The following MEF2A variants were observed in gnomAD, a reference collection of about 807,000 sequenced individuals.
MEF2A encodes the protein myocyte enhancer factor 2A, also known as myocyte-specific enhancer factor 2A.
Under a neutral mutation model 55.8 loss-of-function variants are expected in MEF2A, and 28 were observed. That is an observed-to-expected ratio of 0.50 (90% CI 0.37 to 0.69). The LOEUF (loss-of-function observed/expected upper bound fraction) is 0.69, where lower values mean the gene tolerates loss of function less well. Ranked by LOEUF, MEF2A falls within the 30% of genes least tolerant of loss-of-function variation. The pLI, the probability that MEF2A is intolerant of heterozygous loss-of-function variation, is 0.00. For synonymous variants in MEF2A, 239 were observed against 227.1 expected (o/e 1.05, Z -0.47); for missense variants, 528 against 626.2 (o/e 0.84, Z 1.67).
At chr15:99,566,945 T>C (rs1959896324) in intron 1 of MEF2A, among the ~76,000 whole-genome samples, 1 of 152,274 alleles carries the variant, frequency 6.6e-6, no homozygotes, top group African/African-American at 2.4e-5. Flanking sequence ...TTTTTTGTGT[T>C]AGAAACTTTG....
intron 1 of MEF2A, among the ~76,000 whole-genome samples, chr15:99,597,538 C>T (rs187921984): frequency 2.0e-4 from 31 of 152,246 alleles, no homozygotes; most frequent in Non-Finnish European, 3.8e-4. Context: ...CTCGTGATCT[C>T]GCCCTGCCTC....
intron 1 of MEF2A, among the ~76,000 whole-genome samples, chr15:99,592,199 G>A (rs1969536333): frequency 2.0e-5 from 3 of 152,146 alleles, no homozygotes; most frequent in Admixed American, 1.3e-4. Flanking sequence ...GTTAGCACGC[G>A]GCGGTGCTGC....
chr15:99,629,886 G>A (rs1481801678), intron 2 of MEF2A, among the ~76,000 whole-genome samples: 1 of 151,802 alleles, frequency 6.6e-6, no homozygotes, highest in Non-Finnish European at 1.5e-5. Context: ...GTTGCAGTGA[G>A]CCGAGATCAC....
At position 99,596,679 on chromosome 15, in the gene MEF2A, G is replaced by C. The variant is rs1043996512; in HGVS notation, c.-224-1751G>C. Among the ~76,000 whole-genome samples, 12 of 152,304 alleles carry C rather than the reference G, an allele frequency of 7.9e-5. 1 individual carries two copies. Among genetic ancestry groups the C allele is most frequent in the African/African-American group, 2.9e-4 (12 of 41,570 alleles). On this transcript the variant is annotated intron_variant, in intron 1 of 11. Coordinates refer to ENST00000557942, the MANE Select transcript of MEF2A (RefSeq NM_001319206.4). ...CCGGATCATGCAATTCTAAATTATT[G>C]TGTTAGCATTATAATTGATCCTGGC...
chr15:99,689,853 A>C (rs1285048276), intron 7 of MEF2A, among the ~76,000 whole-genome samples: 1 of 152,176 alleles, frequency 6.6e-6, no homozygotes, highest in Non-Finnish European at 1.5e-5. Flanking sequence ...ATTAGTCTTA[A>C]GCTTTATATG....
At chr15:99,589,845 T>C (rs903715804) in intron 1 of MEF2A, among the ~76,000 whole-genome samples, 15 of 152,132 alleles carry the variant, frequency 9.9e-5, no homozygotes, top group African/African-American at 3.6e-4. Context: ...TTTAATTCTT[T>C]TGTGGTCAGA....
chr15:99,623,788 C>G (rs1015053654), intron 2 of MEF2A, among the ~76,000 whole-genome samples: 4 of 150,050 alleles, frequency 2.7e-5, no homozygotes, highest in Admixed American at 6.6e-5. Flanking sequence ...AATCTTGTAT[C>G]AAATATATGA....
At chr15:99,642,526 G>T (rs1032685712) in intron 3 of MEF2A, among the ~76,000 whole-genome samples, 5 of 151,710 alleles carry the variant, frequency 3.3e-5, no homozygotes, top group African/African-American at 1.2e-4. Context: ...TCTCTGTTAT[G>T]ATTTGATTTT....
intron 5 of MEF2A, among the ~76,000 whole-genome samples, chr15:99,672,712 A>G (rs2051122480): frequency 6.6e-6 from 1 of 152,148 alleles, no homozygotes; most frequent in Admixed American, 6.5e-5. Flanking sequence ...AATTTGGAAT[A>G]TTTGCATATG....
chr15:99,691,557 G>C (rs2055461314), intron 8 of MEF2A, among the ~76,000 whole-genome samples: 2 of 152,062 alleles, frequency 1.3e-5, no homozygotes, highest in African/African-American at 4.8e-5. Flanking sequence ...AATTAGCCGG[G>C]CGTGGTGGCG....
At chr15:99,631,262 G>A (rs144843590) in intron 2 of MEF2A, among the ~76,000 whole-genome samples, 28 of 152,286 alleles carry the variant, frequency 1.8e-4, no homozygotes, top group African/African-American at 6.0e-4. Context: ...GTAGTAAAAT[G>A]TATTAATATT....
chr15:99,568,801 C>T (rs1960836153), intron 1 of MEF2A, among the ~76,000 whole-genome samples: 1 of 152,158 alleles, frequency 6.6e-6, no homozygotes, highest in Non-Finnish European at 1.5e-5. Flanking sequence ...TTCACATATT[C>T]TGTGTTGTCA....
At position 99,676,462 on chromosome 15, in the gene MEF2A, T is replaced by C. The variant is rs542503148; in HGVS notation, c.670+1004T>C. The stretch of plus-strand genomic sequence containing the variant: ...CACCAAGAATTGTGAGAGCCTAATA[T>C]GCTTCTCTCACATTGGGTTGACACC... On this transcript the variant is annotated intron_variant, in intron 7 of 11. Transcript: ENST00000557942. 4.6e-5 allele frequency among the ~76,000 whole-genome samples: 7 copies of C among 152,150 alleles called. No homozygotes were observed. In the East Asian group the frequency reaches 7.7e-4, roughly 17 times the overall value.
chr15:99,647,062 G>GCTAAACCC (rs1444092815), intron 4 of MEF2A, among the ~76,000 whole-genome samples: 1 of 151,810 alleles, frequency 6.6e-6, no homozygotes, highest in Non-Finnish European at 1.5e-5. Flanking sequence ...TATATCTTTA[G>GCTAAACCC]CTAAACCCCT....
At chr15:99,596,536 C>T (rs1971231128) in intron 1 of MEF2A, among the ~76,000 whole-genome samples, 1 of 151,972 alleles carries the variant, frequency 6.6e-6, no homozygotes, top group Non-Finnish European at 1.5e-5. Flanking sequence ...CAAATAGAAA[C>T]AAAATCAGGG....
At chr15:99,678,687 T>A (rs965459414) in intron 7 of MEF2A, 21 of 984,484 alleles carry the variant, frequency 2.1e-5, no homozygotes, top group Non-Finnish European at 2.5e-5. Context: ...CTTGAGACTT[T>A]TAAAGCACTG....
intron 2 of MEF2A, among the ~76,000 whole-genome samples, chr15:99,604,031 A>G (rs1974235080): frequency 6.6e-6 from 1 of 152,194 alleles, no homozygotes; most frequent in Non-Finnish European, 1.5e-5. Flanking sequence ...ATAGTTTCTG[A>G]CAAAAAGTCT....
At chr15:99,624,443 C>T (rs1035697335) in intron 2 of MEF2A, among the ~76,000 whole-genome samples, 1 of 152,118 alleles carries the variant, frequency 6.6e-6, no homozygotes, top group East Asian at 1.9e-4. Context: ...AAGACTGTCC[C>T]GCATTGAATG....
chr15:99,602,471 T>C (rs750174389), intron 2 of MEF2A, among the ~76,000 whole-genome samples: 2 of 152,124 alleles, frequency 1.3e-5, no homozygotes, highest in Non-Finnish European at 2.9e-5. Flanking sequence ...TTAATGCGCA[T>C]GCTGGAGCCC....
Sources: gnomAD v4.1 joint callset for allele counts (sites outside exome capture counted in the v4.1 genomes callset) on GRCh38, gnomAD v4.1.1 for gene constraint, MANE v1.5 for transcripts, NCBI Gene and HGNC (gene_info 2026-07-23, HGNC 2026-07-21) for gene names.